The following IQGAP1 variants were observed in gnomAD, a reference collection of about 807,000 sequenced individuals.
IQGAP1 encodes the protein IQ motif containing GTPase activating protein 1.
Under a neutral mutation model 215.6 loss-of-function variants are expected in IQGAP1, and 66 were observed. That is an observed-to-expected ratio of 0.31 (90% CI 0.25 to 0.38). IQGAP1 has a LOEUF of 0.38. Ranked by LOEUF, IQGAP1 falls within the 10% of genes least tolerant of loss-of-function variation. The probability of loss-of-function intolerance (pLI) is 1.00; values close to 1 mark genes in which losing one functional copy is unlikely to be tolerated. For synonymous variants in IQGAP1, 772 were observed against 728.7 expected (o/e 1.06, Z -0.96); for missense variants, 1,712 against 1,997.1 (o/e 0.86, Z 2.72).
chr15:90,466,880 T>G (rs1965840115), intron 17 of IQGAP1, among the ~76,000 whole-genome samples: 1 of 152,084 alleles, frequency 6.6e-6, no homozygotes, highest in South Asian at 2.1e-4. Flanking sequence ...TCGCCTGAGG[T>G]CAGGAGTTCA....
chr15:90,451,920 C>G (rs1170231979), intron 11 of IQGAP1, among the ~76,000 whole-genome samples: 2 of 151,744 alleles, frequency 1.3e-5, no homozygotes, highest in South Asian at 2.1e-4. Flanking sequence ...ACCTCTGACT[C>G]CCTGGTTCAA....
At chr15:90,472,294 C>G (rs1304032987) in intron 18 of IQGAP1, among the ~76,000 whole-genome samples, 1 of 152,100 alleles carries the variant, frequency 6.6e-6, no homozygotes, top group Admixed American at 6.5e-5. Flanking sequence ...TAATAAACAT[C>G]TGATTGTTTT....
At chr15:90,474,171 G>A in intron 22 of IQGAP1, 38 bp downstream of exon 22, 1 of 1,551,056 alleles carries the variant, frequency 6.4e-7, no homozygotes, top group East Asian at 2.3e-5. Context: ...TGAGGCAGTG[G>A]CTGGGAGCCA....
intron 28 of IQGAP1, chr15:90,482,586 G>A (rs1966074520): frequency 4.7e-6 from 2 of 421,850 alleles, no homozygotes; most frequent in Non-Finnish European, 8.0e-6. Context: ...CTGGCGAATA[G>A]TAGCAGGCAC....
intron 2 of IQGAP1, chr15:90,397,692 A>T (rs568969676): frequency 6.8e-6 from 1 of 147,106 alleles, no homozygotes; most frequent in African/African-American, 2.5e-5. Flanking sequence ...AATTTTTTAC[A>T]TTTTTAGTAG....
At chr15:90,430,519 G>A (rs78282909) in intron 4 of IQGAP1, among the ~76,000 whole-genome samples, 5 of 152,192 alleles carry the variant, frequency 3.3e-5, no homozygotes, top group African/African-American at 1.2e-4. Context: ...AAATACTAGT[G>A]CCATTTAAAA....
At chr15:90,426,012 T>C in intron 2 of IQGAP1, 98 bp from the exon 3 acceptor site, 1 of 1,185,218 alleles carries the variant, frequency 8.4e-7, no homozygotes, top group South Asian at 1.6e-5. Context: ...ATGTTCAGTT[T>C]AAGCTTCTCC....
At chr15:90,390,623 A>C (rs1279572180) in intron 1 of IQGAP1, 151 bp from the exon 2 acceptor site, 1 of 528,620 alleles carries the variant, frequency 1.9e-6, no homozygotes, top group Admixed American at 3.3e-5. Flanking sequence ...TCTTTTTTTA[A>C]GAAAGTCATT....
At chr15:90,449,924 A>G (rs997708930) in intron 11 of IQGAP1, among the ~76,000 whole-genome samples, 3 of 152,222 alleles carry the variant, frequency 2.0e-5, no homozygotes, top group Admixed American at 2.0e-4. Context: ...TGATATTTTG[A>G]TACATGCATA....
At chr15:90,456,812 T>G (rs531228620) in intron 15 of IQGAP1, among the ~76,000 whole-genome samples, 2 of 150,610 alleles carry the variant, frequency 1.3e-5, no homozygotes, top group South Asian at 4.2e-4. Flanking sequence ...TACTTGAGCC[T>G]GAGAGGTGGA....
chr15:90,480,363 A>G (rs1228073277), intron 26 of IQGAP1, among the ~76,000 whole-genome samples: 2 of 152,158 alleles, frequency 1.3e-5, no homozygotes, highest in African/African-American at 2.4e-5. Flanking sequence ...TTCAGCCACC[A>G]TACACGTAGC....
intron 15 of IQGAP1, among the ~76,000 whole-genome samples, chr15:90,464,722 G>A (rs964647878): frequency 6.6e-6 from 1 of 151,896 alleles, no homozygotes; most frequent in African/African-American, 2.4e-5. Flanking sequence ...CGTGGTGGCG[G>A]GTGCACGTAG....
At chr15:90,458,480 A>G (rs993842118) in intron 15 of IQGAP1, among the ~76,000 whole-genome samples, 2 of 152,214 alleles carry the variant, frequency 1.3e-5, no homozygotes, top group African/African-American at 2.4e-5. Flanking sequence ...ACAGTCAGAT[A>G]TAAGGCTCCC....
chr15:90,400,619 C>T (rs1241330792), intron 2 of IQGAP1, among the ~76,000 whole-genome samples: 3 of 152,126 alleles, frequency 2.0e-5, no homozygotes, highest in Non-Finnish European at 4.4e-5. Flanking sequence ...TATGGATTGT[C>T]CACCAGTCAA....
chr15:90,439,421 A>G, intron 6 of IQGAP1, 22 bp downstream of exon 6: 1 of 1,591,998 alleles, frequency 6.3e-7, no homozygotes, highest in Non-Finnish European at 8.6e-7. Context: ...GATACTTGGC[A>G]GGAAATGCTT....
chr15:90,492,477 C>A, intron 34 of IQGAP1, 68 bp from the exon 35 acceptor site: 1 of 913,272 alleles, frequency 1.1e-6, no homozygotes, highest in South Asian at 1.9e-5. Flanking sequence ...TTAAGCATTG[C>A]TGGGTTGTAG....
rs978337680 is a variant in IQGAP1, at chr15:90,481,876, T to C, written c.3330-84T>C. The C allele has an allele frequency of 9.9e-6, 14 of 1,420,244 alleles. No individual in the cohort carries two copies. In the South Asian group the frequency reaches 1.4e-4, roughly 14 times the overall value. The allele number at this position is 1,420,244 out of a possible 1,614,324, so 88.0% of individuals were successfully genotyped here. ...AGCTATCTAATATTTCTGGGTCTTA[T>C]AGTTTATGAAAGATAAGACACTTGC... On this transcript the variant is annotated intron_variant, in intron 26 of 37. Coordinates refer to ENST00000268182, the MANE Select transcript of IQGAP1 (RefSeq NM_003870.4).
At chr15:90,458,663 ACTAAT>A (rs1965720486) in intron 15 of IQGAP1, among the ~76,000 whole-genome samples, 1 of 152,204 alleles carries the variant, frequency 6.6e-6, no homozygotes, top group Admixed American at 6.5e-5. Flanking sequence ...TTTGGGAAAC[ACTAAT>A]CTAATAAAAT....
intron 11 of IQGAP1, among the ~76,000 whole-genome samples, chr15:90,451,731 A>G (rs561858339): frequency 6.6e-6 from 1 of 151,440 alleles, no homozygotes; most frequent in Non-Finnish European, 1.5e-5. Flanking sequence ...CTTTTCCCTG[A>G]TGTGTGTTCT....
Sources: gnomAD v4.1 joint callset for allele counts (sites outside exome capture counted in the v4.1 genomes callset) on GRCh38, gnomAD v4.1.1 for gene constraint, MANE v1.5 for transcripts, NCBI Gene and HGNC (gene_info 2026-07-23, HGNC 2026-07-21) for gene names.